CHN1: variants seen among roughly 807,000 people sequenced by gnomAD.
The protein encoded by CHN1 is N-chimaerin.
A neutral mutation model predicts 59.5 loss-of-function variants in CHN1; 37 were observed. That is an observed-to-expected ratio of 0.62 (90% CI 0.48 to 0.82). The LOEUF is 0.82. Ranked by LOEUF, CHN1 falls within the 40% of genes least tolerant of loss-of-function variation. The probability of loss-of-function intolerance (pLI) is 0.00; values close to 1 mark genes in which losing one functional copy is unlikely to be tolerated. For missense variants in CHN1, 469 were observed against 571.0 expected (o/e 0.82, Z 1.82); for synonymous variants, 206 against 200.4 (o/e 1.03, Z -0.24).
intron 1 of CHN1, among the ~76,000 whole-genome samples, chr2:174,986,218 C>G (rs1313699834): frequency 1.3e-5 from 2 of 152,134 alleles, no homozygotes; most frequent in East Asian, 3.9e-4. Flanking sequence ...AGCACCTACT[C>G]AGCAGAGAAG....
rs12616333 is a variant in CHN1, at chr2:174,811,892, T to C, written c.887-304A>G. 3.1e-3 allele frequency among the ~76,000 whole-genome samples: 477 copies of C among 152,304 alleles called. 8 individuals carry two copies. Among genetic ancestry groups the C allele is most frequent in the East Asian group, 0.013 (68 of 5,184 alleles). ...TCTTTTACATAACAGAAGACTAAGA[T>C]AAAATATAGGCCTGTTTTTCTCAAG... On this transcript the variant is annotated intron_variant, in intron 9 of 12. Transcript: ENST00000409900.
At chr2:174,928,538 T>G (rs2105384682) in intron 3 of CHN1, among the ~76,000 whole-genome samples, 1 of 152,322 alleles carries the variant, frequency 6.6e-6, no homozygotes, top group South Asian at 2.1e-4. Context: ...ACAGACACAT[T>G]TATAGATTAG....
intron 7 of CHN1, among the ~76,000 whole-genome samples, chr2:174,831,562 T>C (rs114566717): frequency 0.013 from 1,912 of 152,284 alleles, 19 homozygotes; most frequent in Non-Finnish European, 0.021. Context: ...ACAGATTGTA[T>C]AATAATGATG....
chr2:174,960,194 A>T (rs910163264), intron 1 of CHN1, among the ~76,000 whole-genome samples: 1 of 152,230 alleles, frequency 6.6e-6, no homozygotes, highest in African/African-American at 2.4e-5. Context: ...TAGACCCAGC[A>T]GTTCTATTTT....
rs147230050 is a variant in CHN1 at position 174,927,985 on chromosome 2, C to T, written c.115-9420G>A. On this transcript the variant is annotated intron_variant, in intron 3 of 12. Transcript: ENST00000409900. The stretch of plus-strand genomic sequence containing the variant: ...TACGTTAAAAAATAAGTATTCTCAA[C>T]TGAAGATTTGGTTCTGCATTGTACT... 4.4e-3 allele frequency among the ~76,000 whole-genome samples: 674 copies of T among 152,234 alleles called. 6 individuals are homozygous for T. The highest frequency in any genetic ancestry group is 0.015 in the African/African-American group (635 of 41,536).
At chr2:174,946,675 G>A (rs1396228073) in intron 2 of CHN1, among the ~76,000 whole-genome samples, 1 of 151,930 alleles carries the variant, frequency 6.6e-6, no homozygotes, top group Admixed American at 6.6e-5. Flanking sequence ...AATTTGTCTG[G>A]CCCTGATAAT....
At chr2:174,980,301 T>C (rs1691101383) in intron 1 of CHN1, among the ~76,000 whole-genome samples, 1 of 152,080 alleles carries the variant, frequency 6.6e-6, no homozygotes, top group Non-Finnish European at 1.5e-5. Flanking sequence ...GAAAACAAAA[T>C]ACAAAAAAAC....
At chr2:174,976,126 C>CAAAAAAAAAAAAAA (rs71031078) in intron 1 of CHN1, among the ~76,000 whole-genome samples, 1 of 50,182 alleles carries the variant, frequency 2.0e-5, no homozygotes, top group African/African-American at 8.9e-5. Flanking sequence ...GACTCCGTCT[C>CAAAAAAAAAAAAAA]AAAAAAAAAA....
intron 3 of CHN1, chr2:174,920,893 T>C (rs574726912): frequency 9.6e-6 from 4 of 414,678 alleles, no homozygotes; most frequent in African/African-American, 8.1e-5. Context: ...GAGCTTGTTT[T>C]CCTGCAACTA....
At chr2:174,832,405 T>G (rs148819331) in intron 7 of CHN1, among the ~76,000 whole-genome samples, 1 of 152,168 alleles carries the variant, frequency 6.6e-6, no homozygotes, top group East Asian at 1.9e-4. Flanking sequence ...GCTCTTTGAC[T>G]TAAGACCTTT....
At chr2:174,912,067 C>T (rs1053829516) in intron 5 of CHN1, among the ~76,000 whole-genome samples, 2 of 152,170 alleles carry the variant, frequency 1.3e-5, no homozygotes, top group Non-Finnish European at 1.5e-5. Flanking sequence ...CATTATCATA[C>T]AGGTACAGCA....
chr2:174,989,877 T>C (rs1269940776), intron 1 of CHN1, among the ~76,000 whole-genome samples: 1 of 152,188 alleles, frequency 6.6e-6, no homozygotes, highest in Non-Finnish European at 1.5e-5. Flanking sequence ...ACAAATTATC[T>C]AATATTAATG....
At chr2:174,835,291 A>T (rs1336150805) in intron 7 of CHN1, among the ~76,000 whole-genome samples, 1 of 151,134 alleles carries the variant, frequency 6.6e-6, no homozygotes, top group Admixed American at 6.6e-5. Context: ...AAATTTTCTC[A>T]CTCTCTCTGG....
At chr2:174,910,466 A>G (rs925092676) in intron 5 of CHN1, among the ~76,000 whole-genome samples, 1 of 152,094 alleles carries the variant, frequency 6.6e-6, no homozygotes, top group Non-Finnish European at 1.5e-5. Context: ...TGGATGACTT[A>G]GGAGAAATAA....
At chr2:174,820,935 G>A (rs746234929) in intron 8 of CHN1, among the ~76,000 whole-genome samples, 3 of 152,012 alleles carry the variant, frequency 2.0e-5, no homozygotes, top group African/African-American at 7.2e-5. Context: ...CTTTTGCCTC[G>A]GTGGATTTTG....
intron 8 of CHN1, among the ~76,000 whole-genome samples, chr2:174,817,214 A>G (rs2105390972): frequency 6.6e-6 from 1 of 152,294 alleles, no homozygotes; most frequent in East Asian, 1.9e-4. Context: ...CATTGTATAG[A>G]CTTGAGTTTA....
At chr2:174,972,553 TGG>T (rs772203191) in intron 1 of CHN1, among the ~76,000 whole-genome samples, 1 of 152,086 alleles carries the variant, frequency 6.6e-6, no homozygotes, top group Non-Finnish European at 1.5e-5. Flanking sequence ...GATCTAGGAT[TGG>T]GAAGAAAAAA....
chr2:174,990,219 T>C (rs996189402), intron 1 of CHN1, among the ~76,000 whole-genome samples: 1 of 148,526 alleles, frequency 6.7e-6, no homozygotes, highest in African/African-American at 2.5e-5. Context: ...GCGGGGTGTG[T>C]GTGTGTGGTG....
At chr2:174,815,131 C>T (rs1253741497) in intron 8 of CHN1, among the ~76,000 whole-genome samples, 1 of 152,138 alleles carries the variant, frequency 6.6e-6, no homozygotes, top group Non-Finnish European at 1.5e-5. Context: ...AATCCCAGCA[C>T]TTTGAAAGGC....
Sources: allele counts gnomAD v4.1 joint callset (sites outside exome capture counted in the v4.1 genomes callset), GRCh38; gene constraint gnomAD v4.1.1; transcripts MANE v1.5; gene names NCBI Gene and HGNC (gene_info 2026-07-23, HGNC 2026-07-21).